The following PCDHGA9 variants were observed in gnomAD, a reference collection of about 807,000 sequenced individuals.
PCDHGA9 encodes protocadherin gamma subfamily A, 9.
In PCDHGA9, 37 loss-of-function variants were observed where a neutral mutation model predicts 62.5. The observed-to-expected ratio is 0.59, with a 90% CI of 0.46 to 0.78. PCDHGA9 has a LOEUF of 0.78. PCDHGA9 is among the 30% of genes least tolerant of loss of function. The pLI, the probability that PCDHGA9 is intolerant of heterozygous loss-of-function variation, is 0.00. For synonymous variants in PCDHGA9, 459 were observed against 484.6 expected (o/e 0.95, Z 0.69); for missense variants, 1,138 against 1,166.2 (o/e 0.98, Z 0.35).
Position 141,485,746 on chromosome 5 carries a change from C to T in PCDHGA9, c.2425-9061C>T, listed in dbSNP as rs1297635523. ...AGAAGCGCAGCGACGGCAGCCTGGT[C>T]CCAGAGCTGCTCCTGGAGAAGCCTT... On this transcript the variant is annotated intron_variant, in intron 1 of 3. Coordinates refer to ENST00000573521, the MANE Select transcript of PCDHGA9 (RefSeq NM_018921.3). The surrounding 1 kb of genome is among the most constrained non-coding windows in gnomAD (Gnocchi z 5.7). 6.2e-7 allele frequency: 1 copy of T among 1,614,128 alleles called. No individual in the cohort carries two copies. The highest frequency in any genetic ancestry group is 2.2e-5 in the East Asian group (1 of 44,880).
chr5:141,459,545 T>G (rs534173050), intron 1 of PCDHGA9, among the ~76,000 whole-genome samples: 81 of 152,348 alleles, frequency 5.3e-4, no homozygotes, highest in South Asian at 1.0e-3. Context: ...TTTTTTTATT[T>G]CTCTTGGATA....
intron 1 of PCDHGA9, 68 bp downstream of exon 1, chr5:141,405,444 G>C: frequency 7.2e-7 from 1 of 1,379,466 alleles, no homozygotes; most frequent in Non-Finnish European, 1.0e-6. Flanking sequence ...TTTTGAGACA[G>C]AGTCTTACTC....
At chr5:141,410,008 C>A (rs2095347582) in intron 1 of PCDHGA9, 1 of 1,613,220 alleles carries the variant, frequency 6.2e-7, no homozygotes, top group Non-Finnish European at 8.5e-7. Flanking sequence ...GACACAACGC[C>A]TGGCTGTCCT....
chr5:141,429,389 A>ATTT (rs1561841246), intron 1 of PCDHGA9, among the ~76,000 whole-genome samples: 155 of 147,652 alleles, frequency 1.0e-3, no homozygotes, highest in African/African-American at 3.7e-3. Flanking sequence ...TTTTTTTTTA[A>ATTT]AAAAAATTGA....
At chr5:141,475,448 G>C (rs774710049) in intron 1 of PCDHGA9, among the ~76,000 whole-genome samples, 1 of 152,214 alleles carries the variant, frequency 6.6e-6, no homozygotes, top group African/African-American at 2.4e-5. Context: ...CAGATAATGA[G>C]GAAGTGACAG....
intron 1 of PCDHGA9, chr5:141,427,812 G>T: frequency 6.6e-7 from 1 of 1,524,404 alleles, no homozygotes; most frequent in Non-Finnish European, 9.0e-7. Flanking sequence ...CGCACAGAGC[G>T]GGGTGGTGGT....
At chr5:141,425,321 G>A (rs1020940689) in intron 1 of PCDHGA9, among the ~76,000 whole-genome samples, 2 of 152,182 alleles carry the variant, frequency 1.3e-5, no homozygotes, top group South Asian at 2.1e-4. Flanking sequence ...CAAGATCGTG[G>A]AGAACAAAAA....
At chr5:141,448,802 A>G (rs897172074) in intron 1 of PCDHGA9, among the ~76,000 whole-genome samples, 14 of 152,044 alleles carry the variant, frequency 9.2e-5, no homozygotes, top group Non-Finnish European at 1.8e-4. Flanking sequence ...AAAATTAGCC[A>G]GGCGTGATGG....
At position 141,491,686 on chromosome 5, in the gene PCDHGA9, C is replaced by CG; in HGVS notation, c.2425-3118dup. 1 of 1,612,970 alleles carries CG rather than the reference C, an allele frequency of 6.2e-7. No individual in the cohort carries two copies. The highest frequency in any genetic ancestry group is 2.2e-5 in the East Asian group (1 of 44,838). ...CATCCGGTCCCGCTCTAATACGCTG[C>CG]GGGAGCGGAGCCAGGTGAGGGGCTC... On this transcript the variant is annotated intron_variant, in intron 1 of 3. Transcript: ENST00000573521. The surrounding 1 kb of genome is among the most constrained non-coding windows in gnomAD (Gnocchi z 6.9).
In PCDHGA9 at chr5:141,487,237, T is replaced by A. The variant is rs1327004790; in HGVS notation, c.2425-7570T>A. 1.2e-6 allele frequency: 2 copies of A among 1,614,122 alleles called. No individual in the cohort carries two copies. The highest frequency in any genetic ancestry group is 1.7e-6 in the Non-Finnish European group (2 of 1,179,980). On this transcript the variant is annotated intron_variant, in intron 1 of 3. Coordinates refer to ENST00000573521, the MANE Select transcript of PCDHGA9 (RefSeq NM_018921.3). This position sits in a 1 kb window ranked among gnomAD's most constrained non-coding sequence, Gnocchi z 5.0. ...CAGCTCCAAGGGAAGGAGAATCTCGTCTAACCCTCTACTTGGCTGTGTCCC... is the reference window on the plus strand; with the variant it reads ...CAGCTCCAAGGGAAGGAGAATCTCGACTAACCCTCTACTTGGCTGTGTCCC...
chr5:141,507,613 T>G (rs1003099044), intron 3 of PCDHGA9, among the ~76,000 whole-genome samples: 1 of 152,248 alleles, frequency 6.6e-6, no homozygotes, highest in African/African-American at 2.4e-5. Context: ...ACAGGTATAT[T>G]TAGCTGTTGT....
intron 1 of PCDHGA9, among the ~76,000 whole-genome samples, chr5:141,484,207 A>G (rs898823095): frequency 2.6e-5 from 4 of 152,218 alleles, no homozygotes; most frequent in Non-Finnish European, 5.9e-5. Context: ...ATCTATGAAC[A>G]TTAGCATTCT....
At chr5:141,443,547 T>C (rs1210940890) in intron 1 of PCDHGA9, among the ~76,000 whole-genome samples, 2 of 152,192 alleles carry the variant, frequency 1.3e-5, no homozygotes, top group Non-Finnish European at 2.9e-5. Context: ...TGGGAAATTG[T>C]TCCAATTCAA....
At chr5:141,456,723 G>A (rs1005891499) in intron 1 of PCDHGA9, among the ~76,000 whole-genome samples, 3 of 152,196 alleles carry the variant, frequency 2.0e-5, no homozygotes, top group Admixed American at 6.5e-5. Flanking sequence ...CCAGCACTTT[G>A]GGAGGCTGAG....
intron 1 of PCDHGA9, chr5:141,419,639 G>A (rs1478835703): frequency 6.2e-7 from 1 of 1,612,442 alleles, no homozygotes; most frequent in African/African-American, 1.3e-5. Flanking sequence ...GGTGGTGGCC[G>A]TGGACGCGGA....
chr5:141,408,463 G>T, intron 1 of PCDHGA9: 1 of 1,614,014 alleles, frequency 6.2e-7, no homozygotes, highest in Non-Finnish European at 8.5e-7. Context: ...TACTTGTGAA[G>T]AACCGAATAG....
At position 141,490,870 on chromosome 5, in the gene PCDHGA9, T is replaced by C; in HGVS notation, c.2425-3937T>C. Reference sequence around the variant, plus strand: ...GGTTCGAGACTCCGGCTCTCCCCCATTGCATGCCAACACATCTCTGCATGT... The same window carrying C: ...GGTTCGAGACTCCGGCTCTCCCCCACTGCATGCCAACACATCTCTGCATGT... On this transcript the variant is annotated intron_variant, in intron 1 of 3. Coordinates refer to ENST00000573521, the MANE Select transcript of PCDHGA9 (RefSeq NM_018921.3). The surrounding 1 kb of genome is among the most constrained non-coding windows in gnomAD (Gnocchi z 5.4). 6.2e-7 allele frequency: 1 copy of C among 1,613,888 alleles called. No homozygotes were observed. Among genetic ancestry groups the C allele is most frequent in the Non-Finnish European group, 8.5e-7 (1 of 1,179,932 alleles).
At chr5:141,495,010 G>T (rs1327870362) in intron 2 of PCDHGA9, 145 bp downstream of exon 2, 1 of 1,516,970 alleles carries the variant, frequency 6.6e-7, no homozygotes, top group Non-Finnish European at 8.9e-7. Flanking sequence ...GTGTGCGGGG[G>T]GCTGGCACAC....
At chr5:141,407,524 C>CT (rs2094949017) in intron 1 of PCDHGA9, among the ~76,000 whole-genome samples, 1 of 146,696 alleles carries the variant, frequency 6.8e-6, no homozygotes, top group Admixed American at 6.8e-5. Flanking sequence ...TAGGACTTAA[C>CT]TTATTGTGCA....
Sources: allele counts gnomAD v4.1 joint callset (sites outside exome capture counted in the v4.1 genomes callset), GRCh38; gene constraint gnomAD v4.1.1; non-coding constraint Gnocchi (gnomAD v3.1); transcripts MANE v1.5; gene names NCBI Gene and HGNC (gene_info 2026-07-23, HGNC 2026-07-21).